Variants in CNKSR2 observed in about 807,000 individuals in gnomAD.
CNKSR2 encodes the protein connector enhancer of kinase suppressor of Ras 2.
Under a neutral mutation model 84.4 loss-of-function variants are expected in CNKSR2, and 14 were observed. That is an observed-to-expected ratio of 0.17 (90% CI 0.11 to 0.26). CNKSR2 has a LOEUF of 0.26. Ranked by LOEUF, CNKSR2 falls within the 10% of genes least tolerant of loss-of-function variation. The pLI is 1.00. For synonymous variants in CNKSR2, 275 were observed against 277.9 expected, an observed-to-expected ratio of 0.99 and a Z score of 0.10; for missense variants, 485 against 771.2, an observed-to-expected ratio of 0.63 and a Z score of 4.40.
intron 20 of CNKSR2, among the ~76,000 whole-genome samples, chrX:21,628,617 C>T (rs1323901024): frequency 8.9e-6 from 1 of 111,950 alleles, no homozygotes; most frequent in Non-Finnish European, 1.9e-5. Flanking sequence ...TTGGGGCTTC[C>T]ACCCTCTGAA....
intron 13 of CNKSR2, among the ~76,000 whole-genome samples, chrX:21,575,983 A>C (rs1460615955): frequency 1.8e-5 from 2 of 112,135 alleles, no homozygotes; most frequent in Non-Finnish European, 1.9e-5. Context: ...TGAAAGATTT[A>C]CAATTAAGGT....
chrX:21,643,780 T>G (rs2092698757), intron 20 of CNKSR2: 1 of 111,667 alleles, frequency 9.0e-6, no homozygotes, highest in Non-Finnish European at 1.9e-5. Flanking sequence ...AAAAGCCAGC[T>G]TTTAAAATCT....
At position 21,454,361 on chromosome X, in the gene CNKSR2, A is replaced by G. The variant is rs569516922; in HGVS notation, c.519+13580A>G. ...AGTATCATGTTATTTGACAAAATCA[A>G]GTTACTTGTTTGCTTACTGCACAGC... On this transcript the variant is annotated intron_variant, in intron 4 of 21. Coordinates refer to ENST00000379510, the MANE Select transcript of CNKSR2 (RefSeq NM_014927.5). Among the ~76,000 whole-genome samples the G allele has an allele frequency of 8.9e-5, 10 of 112,287 alleles. 1 individual carries two copies. In the South Asian group the frequency reaches 3.3e-3, roughly 37 times the overall value.
rs149870971 is a variant in CNKSR2 at position 21,472,441 on chromosome X, C to T, written c.561+1634C>T. 9.5e-3 allele frequency among the ~76,000 whole-genome samples: 1,059 copies of T among 111,811 alleles called. 12 individuals are homozygous for T. The highest frequency in any genetic ancestry group is 0.031 in the African/African-American group (961 of 30,803). ...TATCAAAAAGAGCTGTACTTTTCTT[C>T]ATGCATTGGCTGCTACGAACTTAAG... On this transcript the variant is annotated intron_variant, in intron 5 of 21. Transcript: ENST00000379510.
At chrX:21,399,040 T>C (rs1224328092) in intron 1 of CNKSR2, among the ~76,000 whole-genome samples, 1 of 110,664 alleles carries the variant, frequency 9.0e-6, no homozygotes, top group Non-Finnish European at 1.9e-5. Context: ...ATACTGCTGT[T>C]AAAATTTAAC....
intron 1 of CNKSR2, among the ~76,000 whole-genome samples, chrX:21,385,468 T>C (rs2089955337): frequency 8.9e-6 from 1 of 111,898 alleles, no homozygotes; most frequent in African/African-American, 3.2e-5. Flanking sequence ...ATTTATTAAG[T>C]GCTTACTACA....
At chrX:21,398,427 C>T (rs1048594969) in intron 1 of CNKSR2, among the ~76,000 whole-genome samples, 1 of 112,084 alleles carries the variant, frequency 8.9e-6, no homozygotes, top group Non-Finnish European at 1.9e-5. Context: ...TTACAAACTA[C>T]TTCTGTTGCA....
intron 20 of CNKSR2, chrX:21,645,132 A>G (rs1008306537): frequency 3.6e-5 from 4 of 111,837 alleles, no homozygotes; most frequent in African/African-American, 6.5e-5. Context: ...TAGATTCACA[A>G]TATTTCATAG....
chrX:21,478,118 G>A (rs1253630607), intron 5 of CNKSR2, among the ~76,000 whole-genome samples: 1 of 111,452 alleles, frequency 9.0e-6, no homozygotes, highest in East Asian at 2.8e-4. Flanking sequence ...AACGTAAGAT[G>A]CTTCTTTATG....
rs1415083345 is a variant in CNKSR2 at position 21,590,559 on chromosome X, T to A, written c.1609-13T>A. ...TGAGTATCAGATAACATTCTTTTTA[T>A]CTTTGATTTCAGACATTTCAGCAGT... On this transcript the variant is annotated splice_polypyrimidine_tract_variant and intron_variant, in intron 13 of 21. Transcript: ENST00000379510. 1 of 1,204,289 alleles carries A rather than the reference T, an allele frequency of 8.3e-7. No individual in the cohort carries two copies. The highest frequency in any genetic ancestry group is 1.1e-6 in the Non-Finnish European group (1 of 890,332).
intron 5 of CNKSR2, among the ~76,000 whole-genome samples, chrX:21,472,560 T>C (rs1405550961): frequency 8.9e-6 from 1 of 112,064 alleles, no homozygotes; most frequent in Non-Finnish European, 1.9e-5. Context: ...TCTTTTTGCC[T>C]TGTTTTTCTC....
rs1298363663 is a variant in CNKSR2 at position 21,649,113 on chromosome X, A to C, written c.2889+86A>C. 5.8e-6 allele frequency: 4 copies of C among 687,378 alleles called. No homozygotes were observed. The African/African-American group carries it at 8.8e-5, about 15-fold the overall frequency. 56.6% of individuals were successfully genotyped at this position (687,378 alleles called of 1,213,427 possible). On this transcript the variant is annotated intron_variant, in intron 21 of 21. Transcript: ENST00000379510. ...CAGATACTGTAGGTTAAGAAATACA[A>C]ATTGGGGGCTGGGGAGAAGAAGAGG...
intron 11 of CNKSR2, among the ~76,000 whole-genome samples, chrX:21,544,349 G>T (rs775278164): frequency 7.2e-5 from 8 of 111,544 alleles, no homozygotes; most frequent in Non-Finnish European, 1.5e-4. Flanking sequence ...TCACATGCTG[G>T]ATTAGAAGGG....
chrX:21,630,391 G>C (rs183449043), intron 20 of CNKSR2, among the ~76,000 whole-genome samples: 2 of 112,134 alleles, frequency 1.8e-5, no homozygotes, highest in African/African-American at 6.5e-5. Context: ...ACAAATAATA[G>C]CTAACATTTC....
chrX:21,469,069 G>A (rs182214930), intron 4 of CNKSR2, among the ~76,000 whole-genome samples: 2 of 112,131 alleles, frequency 1.8e-5, no homozygotes, highest in East Asian at 5.6e-4. Context: ...GTTACTTTCC[G>A]TATGATTATT....
intron 6 of CNKSR2, chrX:21,494,921 T>C (rs2091478048): frequency 8.9e-6 from 1 of 111,746 alleles, no homozygotes; most frequent in Non-Finnish European, 1.9e-5. Context: ...TCCAAGGACA[T>C]GTTAATTCCT....
intron 4 of CNKSR2, among the ~76,000 whole-genome samples, chrX:21,450,250 A>T (rs889338700): frequency 8.9e-6 from 1 of 111,810 alleles, no homozygotes; most frequent in African/African-American, 3.3e-5. Flanking sequence ...GGAAACTTAA[A>T]CAGATATGGA....
intron 6 of CNKSR2, among the ~76,000 whole-genome samples, chrX:21,497,254 A>G (rs924721956): frequency 9.0e-6 from 1 of 111,451 alleles, no homozygotes; most frequent in African/African-American, 3.3e-5. Flanking sequence ...AACTTTATCA[A>G]TAAGAAAGGT....
At chrX:21,490,668 A>C in intron 6 of CNKSR2, 90 bp downstream of exon 6, 2 of 943,526 alleles carry the variant, frequency 2.1e-6, no homozygotes. Context: ...GGAATCTATG[A>C]ATTTCAACAG....
Sources: allele counts gnomAD v4.1 joint callset (sites outside exome capture counted in the v4.1 genomes callset), GRCh38; gene constraint gnomAD v4.1.1; transcripts MANE v1.5; gene names NCBI Gene and HGNC (gene_info 2026-07-23, HGNC 2026-07-21).